The following EXTL3 variants were observed in gnomAD, a reference collection of about 807,000 sequenced individuals.
EXTL3 encodes the protein exostosin like glycosyltransferase 3, also known as exostosin-like 3.
EXTL3 carries 27 observed loss-of-function variants against 69.3 expected under a neutral mutation model. The ratio of observed to expected loss-of-function variants is 0.39; its 90% CI spans 0.29 to 0.54. The LOEUF is 0.54. Among genes scored for constraint, EXTL3 ranks in the 20% least tolerant of loss-of-function variants. The pLI is 0.69. For missense variants in EXTL3, 1,003 were observed against 1,231.8 expected, an observed-to-expected ratio of 0.81 and a Z score of 2.78; for synonymous variants, 511 against 499.4, an observed-to-expected ratio of 1.02 and a Z score of -0.31.
intron 2 of EXTL3, among the ~76,000 whole-genome samples, chr8:28,616,877 G>A (rs1208232058): frequency 2.0e-5 from 3 of 152,338 alleles, no homozygotes; most frequent in South Asian, 2.1e-4. Flanking sequence ...GGACACTGAA[G>A]GGAAGACAAA....
Position 28,623,169 on chromosome 8 carries a change from T to A in EXTL3, c.-53+359T>A, listed in dbSNP as rs1806440913. Reference sequence around the variant, plus strand: ...CTGTCGGCAGGGGTCCGTATCACACTGTGGGCGGGGGTCCCGACCCCTGCT... The same window carrying A: ...CTGTCGGCAGGGGTCCGTATCACACAGTGGGCGGGGGTCCCGACCCCTGCT... On this transcript the variant is annotated intron_variant, in intron 1 of 6. Coordinates refer to the EXTL3 transcript ENST00000523149. The surrounding 1 kb of genome is among the most constrained non-coding windows in gnomAD (Gnocchi z 4.2). Among the ~76,000 whole-genome samples, 1 of 151,880 alleles carries A rather than the reference T, an allele frequency of 6.6e-6. No individual in the cohort carries two copies. The highest frequency in any genetic ancestry group is 1.5e-5 in the Non-Finnish European group (1 of 67,924).
At chr8:28,666,263 T>C (rs1433163538) in intron 1 of EXTL3, among the ~76,000 whole-genome samples, 1 of 152,178 alleles carries the variant, frequency 6.6e-6, no homozygotes, top group Non-Finnish European at 1.5e-5. Context: ...TCTTTTCTTT[T>C]CTTTTCCTTC....
At position 28,717,040 on chromosome 8, in the gene EXTL3, C is replaced by T; in HGVS notation, c.981C>T (p.Asn327=). The part of the protein sequence containing the change: ...SPLVHAMSEP[N]FMEIPPQVPV... The stretch of plus-strand genomic sequence containing the variant: ...TGGTCCATGCCATGTCTGAGCCCAA[C>T]TTCATGGAAATCCCACCACAGGTGC... The change falls in exon 3 of 7, where the codon AAC becomes AAT. Residue 327 remains asparagine (N), a synonymous_variant. Coordinates refer to ENST00000220562, the MANE Select transcript of EXTL3 (RefSeq NM_001440.4). The surrounding 1 kb of genome is among the most constrained non-coding windows in gnomAD (Gnocchi z 8.3). 2 of 1,614,252 alleles carry T rather than the reference C, an allele frequency of 1.2e-6. No individual in the cohort carries two copies. Among genetic ancestry groups the T allele is most frequent in the Middle Eastern group, 1.6e-4 (1 of 6,062 alleles).
chr8:28,707,733 TC>T (rs1037247772), intron 1 of EXTL3, among the ~76,000 whole-genome samples: 4 of 152,332 alleles, frequency 2.6e-5, no homozygotes, highest in African/African-American at 4.8e-5. Context: ...TGTAGCACGG[TC>T]CCGGTTTGTT....
At chr8:28,609,291 G>GT (rs1217558596) in intron 2 of EXTL3, among the ~76,000 whole-genome samples, 1 of 152,070 alleles carries the variant, frequency 6.6e-6, no homozygotes, top group Non-Finnish European at 1.5e-5. Flanking sequence ...TTGGAAAGCT[G>GT]TAAGCAGAGG....
At chr8:28,692,862 C>G (rs1195257286) in intron 1 of EXTL3, among the ~76,000 whole-genome samples, 1 of 152,208 alleles carries the variant, frequency 6.6e-6, no homozygotes, top group African/African-American at 2.4e-5. Context: ...ACTCAGCCAT[C>G]AACACTCTGC....
chr8:28,635,860 T>C (rs1277886118), intron 1 of EXTL3, among the ~76,000 whole-genome samples: 1 of 152,130 alleles, frequency 6.6e-6, no homozygotes, highest in African/African-American at 2.4e-5. Flanking sequence ...AACAACTTTG[T>C]TGATGATAAA....
chr8:28,695,129 ATT>A (rs528077170), intron 1 of EXTL3, among the ~76,000 whole-genome samples: 6 of 137,896 alleles, frequency 4.4e-5, no homozygotes, highest in Non-Finnish European at 4.7e-5. Flanking sequence ...GTAAATGAGG[ATT>A]TTTTTTTTTT....
rs555987923 is a variant in EXTL3 at position 28,660,242 on chromosome 8, T to C, written c.-53+37432T>C. On this transcript the variant is annotated intron_variant, in intron 1 of 6. Coordinates refer to the EXTL3 transcript ENST00000523149. ...AGCCCAGTGTAGTGGTGTACACCTG[T>C]AGTACCAGCTACTTACAAGGCTGAG... Among the ~76,000 whole-genome samples the C allele has an allele frequency of 3.3e-5, 5 of 152,148 alleles. No homozygotes were observed. The South Asian group carries it at 1.0e-3, about 32-fold the overall frequency.
At chr8:28,734,449 CA>C (rs1352310531) in intron 4 of EXTL3, among the ~76,000 whole-genome samples, 1 of 152,196 alleles carries the variant, frequency 6.6e-6, no homozygotes, top group African/African-American at 2.4e-5. Flanking sequence ...TAGTGGCTTA[CA>C]CCTGTAATCC....
intron 1 of EXTL3, among the ~76,000 whole-genome samples, chr8:28,652,688 T>C (rs926620375): frequency 1.3e-5 from 2 of 149,884 alleles, no homozygotes; most frequent in Non-Finnish European, 1.5e-5. Context: ...TATATAGCCA[T>C]ATATATATAT....
rs1316928684 is a variant in EXTL3, at chr8:28,716,494, C to T, written c.435C>T (p.Leu145=). 9 of 1,613,916 alleles carry T rather than the reference C, an allele frequency of 5.6e-6. No homozygotes were observed. In the African/African-American group the frequency reaches 1.1e-4, roughly 19 times the overall value. ...AGACCGAGCATTCCTACAAGGAGCT[C>T]ATGGCCCAGAACCAGCCCAAGCTGT... ...ISQTEHSYKE[L]MAQNQPKLSL... The change falls in exon 3 of 7, where the codon CTC becomes CTT. Residue 145 remains leucine, a synonymous_variant. Transcript: ENST00000220562. This position sits in a 1 kb window ranked among gnomAD's most constrained non-coding sequence, Gnocchi z 7.1.
intron 1 of EXTL3, among the ~76,000 whole-genome samples, chr8:28,624,355 A>C (rs754978079): frequency 6.6e-6 from 1 of 152,130 alleles, no homozygotes; most frequent in African/African-American, 2.4e-5. Flanking sequence ...CTTGAGCTCA[A>C]GAGTTCAAGA....
chr8:28,707,200 C>CA (rs1462289514), intron 1 of EXTL3, among the ~76,000 whole-genome samples: 1 of 152,022 alleles, frequency 6.6e-6, no homozygotes, highest in African/African-American at 2.4e-5. Flanking sequence ...TGAATTAAGA[C>CA]AAAATGAATC....
rs186930826 is a variant in EXTL3 at position 28,739,056 on chromosome 8, A to G, written c.2421+1393A>G. The stretch of plus-strand genomic sequence containing the variant: ...CCCTAGGCGTTCTGTCTCACACACA[A>G]GGTTTTGAGGCTTTTCTTAGCATCT... On this transcript the variant is annotated intron_variant, in intron 5 of 6. Transcript: ENST00000220562. Among the ~76,000 whole-genome samples, 4 of 152,190 alleles carry G rather than the reference A, an allele frequency of 2.6e-5. No homozygotes were observed. The East Asian group carries it at 5.8e-4, about 22-fold the overall frequency.
intron 1 of EXTL3, among the ~76,000 whole-genome samples, chr8:28,711,374 A>G (rs1371305587): frequency 6.6e-6 from 1 of 152,080 alleles, no homozygotes; most frequent in Non-Finnish European, 1.5e-5. Context: ...AAGGAGGAGC[A>G]TAGGTTATTG....
At chr8:28,696,491 AT>A (rs1800688090) in intron 1 of EXTL3, 1 of 152,138 alleles carries the variant, frequency 6.6e-6, no homozygotes, top group Non-Finnish European at 1.5e-5. Context: ...AGTCAGCAAT[AT>A]TGTGTATATT....
At chr8:28,736,986 T>C (rs1233843482) in intron 4 of EXTL3, among the ~76,000 whole-genome samples, 1 of 152,182 alleles carries the variant, frequency 6.6e-6, no homozygotes, top group African/African-American at 2.4e-5. Flanking sequence ...ACAAAAATTT[T>C]TTTTTGTAGA....
At chr8:28,686,690 A>T (rs1807583307) in intron 1 of EXTL3, among the ~76,000 whole-genome samples, 1 of 152,210 alleles carries the variant, frequency 6.6e-6, no homozygotes, top group Non-Finnish European at 1.5e-5. Flanking sequence ...TATTTATTTT[A>T]GAAAAATTAA....
Sources: allele counts gnomAD v4.1 joint callset (sites outside exome capture counted in the v4.1 genomes callset), GRCh38; gene constraint gnomAD v4.1.1; non-coding constraint Gnocchi (gnomAD v3.1); transcripts MANE v1.5; gene names NCBI Gene and HGNC (gene_info 2026-07-23, HGNC 2026-07-21).